Variants in SP9 observed in about 807,000 individuals in gnomAD.
SP9 encodes the protein transcription factor Sp9.
In SP9, 5 loss-of-function variants were observed where a neutral mutation model predicts 23.0. The observed-to-expected ratio is 0.22, with a 90% CI of 0.11 to 0.46. The LOEUF (loss-of-function observed/expected upper bound fraction) is 0.46, where lower values mean the gene tolerates loss of function less well. Among genes scored for constraint, SP9 ranks in the 20% least tolerant of loss-of-function variants. The probability of loss-of-function intolerance (pLI) is 0.99; values close to 1 mark genes in which losing one functional copy is unlikely to be tolerated. For missense variants in SP9, 542 were observed against 724.0 expected (o/e 0.75, Z 2.88); for synonymous variants, 360 against 356.5 (o/e 1.01, Z -0.11).
At chr2:174,335,804 G>A in intron 1 of SP9, 1 of 376,478 alleles carries the variant, frequency 2.7e-6, no homozygotes, top group South Asian at 4.3e-5. Flanking sequence ...CCGGTTTACG[G>A]CGACAACCCA....
Position 174,336,791 on chromosome 2 carries a change from G to A in SP9, c.706G>A (p.Gly236Ser), listed in dbSNP as rs1159962520. ...CACGCACTCCGCCTTCAGCTCCACG[G>A]GCCTCGGCTCCTCCGCCGCCGCCGC... The part of the protein sequence containing the change: ...SLTHSAFSST[G>S]LGSSAAAASH... The change falls in exon 2 of 2, where the codon GGC becomes AGC. Residue 236 changes from glycine (G) to serine (S), a missense_variant. Gly to Ser is a moderately conservative substitution (Grantham distance 56, BLOSUM62 0). Transcript: ENST00000394967. The A allele has an allele frequency of 2.0e-6, 3 of 1,530,192 alleles. No homozygotes were observed. Among genetic ancestry groups the A allele is most frequent in the Non-Finnish European group, 2.6e-6 (3 of 1,144,368 alleles). The allele number at this position is 1,530,192 out of a possible 1,614,324, so 94.8% of individuals were successfully genotyped here. A position where few individuals can be genotyped will look rare whatever the true frequency, so the allele number is the denominator to read the frequency against.
At position 174,337,662 on chromosome 2, in the gene SP9, G is replaced by A; in HGVS notation, c.*122G>A. On this transcript the variant is annotated 3_prime_UTR_variant, in exon 2 of 2. Transcript: ENST00000394967. ...GCTTCAGTGACGCCCCCAGGGCCCG[G>A]GCTGGGCGCGAGGTGGAGCCGCTCA... 9.6e-7 allele frequency: 1 copy of A among 1,038,686 alleles called. No homozygotes were observed. The highest frequency in any genetic ancestry group is 1.2e-6 in the Non-Finnish European group (1 of 862,078). The allele number at this position is 1,038,686 out of a possible 1,614,324, so 64.3% of individuals were successfully genotyped here.
Position 174,336,447 on chromosome 2 carries a change from G to C in SP9, c.362G>C (p.Gly121Ala). 6.8e-7 allele frequency: 1 copy of C among 1,475,434 alleles called. No individual in the cohort carries two copies. The highest frequency in any genetic ancestry group is 8.9e-7 in the Non-Finnish European group (1 of 1,121,002). 91.4% of individuals were successfully genotyped at this position (1,475,434 alleles called of 1,614,324 possible). ...NSAAAAAAAA[G>A]VSPQEAGGQS... Reference sequence around the variant, plus strand: ...GCGGCTGCCGCGGCGGCAGCGGCCGGGGTGTCCCCGCAGGAGGCGGGTGGC... The same window carrying C: ...GCGGCTGCCGCGGCGGCAGCGGCCGCGGTGTCCCCGCAGGAGGCGGGTGGC... Residue 121 changes from glycine to alanine, a missense_variant, in exon 2 of 2, where the codon GGG (glycine) becomes GCG (alanine). Physicochemically the swap from Gly to Ala is moderately conservative, Grantham distance 60. Coordinates refer to ENST00000394967, the MANE Select transcript of SP9 (RefSeq NM_001145250.2).
chr2:174,335,506 C>A, intron 1 of SP9: 1 of 211,766 alleles, frequency 4.7e-6, no homozygotes, highest in Admixed American at 5.4e-5. Flanking sequence ...TACATTTCCG[C>A]GGCTCCCCAA....
At chr2:174,335,195 G>T in intron 1 of SP9, 82 bp downstream of exon 1, 2 of 1,454,710 alleles carry the variant, frequency 1.4e-6, no homozygotes, top group Non-Finnish European at 1.9e-6. Context: ...TGCGGCTCCG[G>T]AGAAACTGTT....
chr2:174,337,454 G>T lies in SP9; in HGVS notation c.1369G>T (p.Ala457Ser), dbSNP rs771460538. 1 of 1,247,958 alleles carries T rather than the reference G, an allele frequency of 8.0e-7. No individual in the cohort carries two copies. The highest frequency in any genetic ancestry group is 3.0e-5 in the South Asian group (1 of 33,840). 77.3% of individuals were successfully genotyped at this position (1,247,958 alleles called of 1,614,324 possible). A position where few individuals can be genotyped will look rare whatever the true frequency, so the allele number is the denominator to read the frequency against. ...DSGVSAARAA[A>S]AAAAAAAAAA... ...CGGCGTCAGTGCCGCCCGGGCGGCG[G>T]CAGCGGCGGCGGCGGCAGCGGCGGC... Residue 457 changes from alanine (A) to serine (S), a missense_variant, in exon 2 of 2, where the codon GCA becomes TCA. Around this residue, in one of 8 missense-constraint regions of SP9, gnomAD observed 55 missense variants for 56.1 expected, o/e 0.98. Coordinates refer to ENST00000394967, the MANE Select transcript of SP9 (RefSeq NM_001145250.2).
intron 1 of SP9, 146 bp downstream of exon 1, chr2:174,335,259 G>T (rs1310596678): frequency 1.1e-6 from 1 of 880,378 alleles, no homozygotes; most frequent in Non-Finnish European, 1.7e-6. Flanking sequence ...TTCTGGGACT[G>T]ATTTTTCCCC....
At position 174,338,253 on chromosome 2, in the gene SP9, T is replaced by C. The variant is rs1442846300; in HGVS notation, c.*713T>C. ...AAAGATTGTGTTCTCTTTTATTTTC[T>C]TGTAAATGTTCATTCGAATAGAGTT... On this transcript the variant is annotated 3_prime_UTR_variant, in exon 2 of 2. Transcript: ENST00000394967. 1 of 152,240 alleles carries C rather than the reference T, an allele frequency of 6.6e-6. No individual in the cohort carries two copies. Among genetic ancestry groups the C allele is most frequent in the Non-Finnish European group, 1.5e-5 (1 of 68,036 alleles). The allele number at this position is 152,240 out of a possible 1,614,324, so 9.4% of individuals were successfully genotyped here. A position where few individuals can be genotyped will look rare whatever the true frequency, so the allele number is the denominator to read the frequency against.
chr2:174,336,122 G>A lies in SP9; in HGVS notation c.37G>A (p.Gly13Arg). 1 of 1,550,592 alleles carries A rather than the reference G, an allele frequency of 6.4e-7. No individual in the cohort carries two copies. The highest frequency in any genetic ancestry group is 8.7e-7 in the Non-Finnish European group (1 of 1,146,434). Residue 13 changes from glycine to arginine, a missense_variant, in exon 2 of 2, where the codon GGA (glycine) becomes AGA (arginine). Transcript: ENST00000394967. ...TSILGEEPRF[G>R]TTPLAMLAAT... ...CCCACTCTAGGAAGAGCCGCGCTTC[G>A]GAACGACCCCGTTGGCCATGCTGGC...
intron 1 of SP9, 130 bp downstream of exon 1, chr2:174,335,243 C>A: frequency 9.4e-7 from 1 of 1,068,542 alleles, no homozygotes; most frequent in African/African-American, 1.6e-5. Flanking sequence ...TTAGCACTTT[C>A]CACATTTCTG....
rs1684383177 is a variant in SP9, at chr2:174,335,072, C to T, written c.-21C>T. ...AGGCTCAGCCCCGCTCCCAGCCTCG[C>T]TGCGCAGCCAGAGACCTGCTATGGC... On this transcript the variant is annotated 5_prime_UTR_variant, in exon 1 of 2. Coordinates refer to ENST00000394967, the MANE Select transcript of SP9 (RefSeq NM_001145250.2). 3 of 1,551,090 alleles carry T rather than the reference C, an allele frequency of 1.9e-6. No homozygotes were observed. The South Asian group carries it at 3.6e-5, about 18-fold the overall frequency.
At position 174,336,501 on chromosome 2, in the gene SP9, C is replaced by T; in HGVS notation, c.416C>T (p.Thr139Met). ...TCGGCCTTCATTTCCAAGGTGCACACGACGGCAGCCGACGGGCTGTACCCG... is the reference window on the plus strand; with the variant it reads ...TCGGCCTTCATTTCCAAGGTGCACATGACGGCAGCCGACGGGCTGTACCCG... ...GQSAFISKVH[T>M]TAADGLYPRV... The change falls in exon 2 of 2, where the codon ACG becomes ATG. Residue 139 changes from threonine to methionine, a missense_variant. Coordinates refer to ENST00000394967, the MANE Select transcript of SP9 (RefSeq NM_001145250.2). 1 of 1,469,848 alleles carries T rather than the reference C, an allele frequency of 6.8e-7. No homozygotes were observed. The allele number at this position is 1,469,848 out of a possible 1,614,324, so 91.1% of individuals were successfully genotyped here.
In SP9 at chr2:174,336,742, C is replaced by T; in HGVS notation, c.657C>T (p.Thr219=). 6.5e-7 allele frequency: 1 copy of T among 1,532,938 alleles called. No individual in the cohort carries two copies. The highest frequency in any genetic ancestry group is 8.7e-7 in the Non-Finnish European group (1 of 1,145,494). 95.0% of individuals were successfully genotyped at this position (1,532,938 alleles called of 1,614,324 possible). A position where few individuals can be genotyped will look rare whatever the true frequency, so the allele number is the denominator to read the frequency against. ...PQASLHSQLG[T]YNPDFSSLTH... The stretch of plus-strand genomic sequence containing the variant: ...CCTCGCTGCACTCGCAGCTGGGCAC[C>T]TACAACCCCGACTTCAGCTCGCTCA... The change falls in exon 2 of 2, where the codon ACC becomes ACT. Residue 219 remains threonine, a synonymous_variant. Coordinates refer to ENST00000394967, the MANE Select transcript of SP9 (RefSeq NM_001145250.2).
In SP9 at chr2:174,336,729, C is replaced by T; in HGVS notation, c.644C>T (p.Ser215Leu). 1 of 1,528,932 alleles carries T rather than the reference C, an allele frequency of 6.5e-7. No homozygotes were observed. Among genetic ancestry groups the T allele is most frequent in the Non-Finnish European group, 8.7e-7 (1 of 1,143,892 alleles). 94.7% of individuals were successfully genotyped at this position (1,528,932 alleles called of 1,614,324 possible). A position where few individuals can be genotyped will look rare whatever the true frequency, so the allele number is the denominator to read the frequency against. ...GGCGCCCCCCAGGCCTCGCTGCACT[C>T]GCAGCTGGGCACCTACAACCCCGAC... ...HSGAPQASLH[S>L]QLGTYNPDFS... The change falls in exon 2 of 2, where the codon TCG becomes TTG. Residue 215 changes from serine to leucine, a missense_variant. Transcript: ENST00000394967.
chr2:174,337,391 C>A lies in SP9; in HGVS notation c.1306C>A (p.Pro436Thr). The A allele has an allele frequency of 6.5e-7, 1 of 1,549,126 alleles. No homozygotes were observed. The highest frequency in any genetic ancestry group is 8.7e-7 in the Non-Finnish European group (1 of 1,146,402). The change falls in exon 2 of 2, where the codon CCC becomes ACC. Residue 436 changes from proline to threonine, a missense_variant. Physicochemically the swap from Pro to Thr is conservative, Grantham distance 38. Transcript: ENST00000394967. ...CACGGACGCCAGCAACCTGGAGACG[C>A]CCCGTTCCGAATCCCCCGACCTCAT... ...SDTDASNLET[P>T]RSESPDLILH...
At position 174,337,520 on chromosome 2, in the gene SP9, T is replaced by C; in HGVS notation, c.1435T>C (p.Ser479Pro). Residue 479 changes from serine to proline, a missense_variant, in exon 2 of 2, where the codon TCT becomes CCT. Around this residue, in one of 8 missense-constraint regions of SP9, gnomAD observed 55 missense variants for 56.1 expected, o/e 0.98. Coordinates refer to ENST00000394967, the MANE Select transcript of SP9 (RefSeq NM_001145250.2). Reference protein sequence around the residue: ...AASAGGKEAASGPNDS With the variant: ...AASAGGKEAAPGPNDS Reference sequence around the variant, plus strand: ...CTCCGCGGGAGGCAAGGAAGCAGCGTCTGGCCCCAACGACTCTTAGAGGCC... The same window carrying C: ...CTCCGCGGGAGGCAAGGAAGCAGCGCCTGGCCCCAACGACTCTTAGAGGCC... 4 of 1,173,026 alleles carry C rather than the reference T, an allele frequency of 3.4e-6. No individual in the cohort carries two copies. The highest frequency in any genetic ancestry group is 4.2e-6 in the Non-Finnish European group (4 of 947,906). The allele number at this position is 1,173,026 out of a possible 1,614,324, so 72.7% of individuals were successfully genotyped here. A position where few individuals can be genotyped will look rare whatever the true frequency, so the allele number is the denominator to read the frequency against.
rs768515330 is a variant in SP9, at chr2:174,336,994, G to C, written c.909G>C (p.Ser303=). The part of the protein sequence containing the change: ...GSSARSARRY[S]GRATCDCPNC... ...CGGCACGCTCTGCCCGCCGCTACTC[G>C]GGCCGCGCCACCTGCGACTGCCCCA... Residue 303 remains serine, a synonymous_variant, in exon 2 of 2, where the codon TCG becomes TCC. Coordinates refer to ENST00000394967, the MANE Select transcript of SP9 (RefSeq NM_001145250.2). The C allele has an allele frequency of 5.5e-6, 8 of 1,446,244 alleles. No individual in the cohort carries two copies. Among genetic ancestry groups the C allele is most frequent in the South Asian group, 1.4e-5 (1 of 70,650 alleles). 89.6% of individuals were successfully genotyped at this position (1,446,244 alleles called of 1,614,324 possible). A position where few individuals can be genotyped will look rare whatever the true frequency, so the allele number is the denominator to read the frequency against.
At position 174,337,545 on chromosome 2, in the gene SP9, CG is replaced by C; in HGVS notation, c.*8del. 1 of 1,157,634 alleles carries C rather than the reference CG, an allele frequency of 8.6e-7. No individual in the cohort carries two copies. Among genetic ancestry groups the C allele is most frequent in the Non-Finnish European group, 1.1e-6 (1 of 939,738 alleles). The allele number at this position is 1,157,634 out of a possible 1,614,324, so 71.7% of individuals were successfully genotyped here. A position where few individuals can be genotyped will look rare whatever the true frequency, so the allele number is the denominator to read the frequency against. ...TCTGGCCCCAACGACTCTTAGAGGC[CG>C]GGCGAGAGGCGCGAGCACACAAGCG... On this transcript the variant is annotated 3_prime_UTR_variant, in exon 2 of 2. Transcript: ENST00000394967.
Position 174,336,202 on chromosome 2 carries a change from G to T in SP9, c.117G>T (p.Ser39=). The T allele has an allele frequency of 6.4e-7, 1 of 1,550,388 alleles. No homozygotes were observed. The highest frequency in any genetic ancestry group is 8.7e-7 in the Non-Finnish European group (1 of 1,146,460). The part of the protein sequence containing the change: ...NTSPLTTLPE[S]SAFAKGGFHP... ...GCCCGCTGACGACGCTGCCAGAGTCGAGCGCCTTCGCCAAAGGCGGCTTTC... is the reference window on the plus strand; with the variant it reads ...GCCCGCTGACGACGCTGCCAGAGTCTAGCGCCTTCGCCAAAGGCGGCTTTC... The change falls in exon 2 of 2, where the codon TCG becomes TCT. Residue 39 remains serine, a synonymous_variant. Coordinates refer to ENST00000394967, the MANE Select transcript of SP9 (RefSeq NM_001145250.2).
Sources: gnomAD v4.1 joint callset for allele counts on GRCh38, gnomAD v4.1.1 for gene constraint, gnomAD v4.1.1 regional missense constraint, MANE v1.5 for transcripts, NCBI Gene and HGNC (gene_info 2026-07-23, HGNC 2026-07-21) for gene names.